Variants in PCDHA10 observed in about 807,000 individuals in gnomAD.
PCDHA10 encodes protocadherin alpha 10.
PCDHA10 carries 45 observed loss-of-function variants against 61.2 expected under a neutral mutation model. That is an observed-to-expected ratio of 0.74 (90% CI 0.58 to 0.94). PCDHA10 has a LOEUF of 0.94. Among genes scored for constraint, PCDHA10 ranks in the 40% least tolerant of loss-of-function variants. The pLI is 0.00. For missense variants in PCDHA10, 1,278 were observed against 1,236.2 expected, an observed-to-expected ratio of 1.03 and a Z score of -0.51; for synonymous variants, 602 against 548.8, an observed-to-expected ratio of 1.10 and a Z score of -1.35.
intron 1 of PCDHA10, chr5:140,883,589 G>A (rs782300348): frequency 1.9e-6 from 3 of 1,614,014 alleles, no homozygotes; most frequent in East Asian, 2.2e-5. Context: ...CACGGCCAGC[G>A]TGTCGGTGGG....
intron 1 of PCDHA10, chr5:140,968,987 T>C: frequency 6.2e-7 from 1 of 1,614,224 alleles, no homozygotes; most frequent in Non-Finnish European, 8.5e-7. Context: ...TGGCACTGCA[T>C]GCTGTGGAGG....
At chr5:140,884,871 A>T (rs1193714340) in intron 1 of PCDHA10, among the ~76,000 whole-genome samples, 1 of 152,210 alleles carries the variant, frequency 6.6e-6, no homozygotes, top group Non-Finnish European at 1.5e-5. Context: ...CCATAATGAA[A>T]TGTGCAAAAC....
intron 1 of PCDHA10, among the ~76,000 whole-genome samples, chr5:140,970,479 G>A (rs782054417): frequency 1.3e-4 from 20 of 152,160 alleles, no homozygotes; most frequent in Admixed American, 8.5e-4. Context: ...AGGCCAGCTT[G>A]TTCATTATTA....
intron 3 of PCDHA10, among the ~76,000 whole-genome samples, chr5:141,002,751 C>T (rs1204940300): frequency 3.9e-5 from 6 of 152,152 alleles, no homozygotes; most frequent in African/African-American, 1.4e-4. Context: ...CATCGACAAC[C>T]CTGTGATGTA....
chr5:140,877,118 T>C, intron 1 of PCDHA10: 1 of 1,613,690 alleles, frequency 6.2e-7, no homozygotes, highest in South Asian at 1.1e-5. Flanking sequence ...GGCAGCAACG[T>C]GACGCTGCAG....
intron 1 of PCDHA10, among the ~76,000 whole-genome samples, chr5:140,962,829 C>CT (rs1342441888): frequency 6.6e-6 from 1 of 152,190 alleles, no homozygotes; most frequent in East Asian, 1.9e-4. Flanking sequence ...CCATTTGTCT[C>CT]TTTTTTATTA....
intron 1 of PCDHA10, among the ~76,000 whole-genome samples, chr5:140,895,468 CCT>C (rs2065019844): frequency 6.6e-6 from 1 of 152,130 alleles, no homozygotes; most frequent in Non-Finnish European, 1.5e-5. Flanking sequence ...ATTTCTTTAT[CCT>C]CTTCGGAGAA....
At chr5:141,000,421 A>ATATTTTTTTTTTT (rs1265241806) in intron 3 of PCDHA10, among the ~76,000 whole-genome samples, 1 of 27,968 alleles carries the variant, frequency 3.6e-5, no homozygotes, top group African/African-American at 1.8e-4. Flanking sequence ...ATATATATAT[A>ATATTTTTTTTTTT]TTTTTTTTTT....
At chr5:140,943,670 G>A (rs1161487572) in intron 1 of PCDHA10, among the ~76,000 whole-genome samples, 1 of 152,036 alleles carries the variant, frequency 6.6e-6, no homozygotes, top group Non-Finnish European at 1.5e-5. Flanking sequence ...TGTATAAAGT[G>A]TGAAAAAAAG....
chr5:140,889,766 A>T (rs2062380294), intron 1 of PCDHA10, among the ~76,000 whole-genome samples: 1 of 152,064 alleles, frequency 6.6e-6, no homozygotes, highest in Non-Finnish European at 1.5e-5. Flanking sequence ...TTGAACTTTG[A>T]CTGGTCTTAA....
intron 1 of PCDHA10, among the ~76,000 whole-genome samples, chr5:140,924,575 T>C (rs1255232429): frequency 6.6e-6 from 1 of 152,078 alleles, no homozygotes; most frequent in East Asian, 1.9e-4. Flanking sequence ...TTTTTAAATG[T>C]TTTCAAATAT....
rs1271468400 is a variant in PCDHA10, at chr5:140,858,220, G to A, written c.2172G>A (p.Ala724=). The A allele has an allele frequency of 6.3e-7, 1 of 1,595,980 alleles. No individual in the cohort carries two copies. The highest frequency in any genetic ancestry group is 1.1e-5 in the South Asian group (1 of 90,502). ...LLYTALRCSA[A]PTEGACGPVK... is the part of the protein sequence containing the mutation. Reference sequence around the variant, plus strand: ...ACACTGCACTGAGGTGCTCGGCGGCGCCCACCGAGGGCGCATGTGGGCCGG... The same window carrying A: ...ACACTGCACTGAGGTGCTCGGCGGCACCCACCGAGGGCGCATGTGGGCCGG... Residue 724 remains alanine (A), a synonymous_variant, in exon 1 of 4, where the codon GCG becomes GCA. Transcript: ENST00000307360.
At chr5:140,877,048 G>A (rs376952553) in intron 1 of PCDHA10, 2 of 1,612,558 alleles carry the variant, frequency 1.2e-6, no homozygotes, top group East Asian at 2.2e-5. Flanking sequence ...GCTAGACCAC[G>A]AGGAGCTGGA....
intron 3 of PCDHA10, among the ~76,000 whole-genome samples, chr5:140,989,714 A>T (rs2097355942): frequency 6.6e-6 from 1 of 152,202 alleles, no homozygotes; most frequent in Non-Finnish European, 1.5e-5. Context: ...AGAGGCAGTC[A>T]GCTTTGCAGT....
At chr5:140,868,592 C>T (rs1294333400) in intron 1 of PCDHA10, 1 of 152,974 alleles carries the variant, frequency 6.5e-6, no homozygotes, top group Non-Finnish European at 1.5e-5. Context: ...ATGTTTAACC[C>T]TAGTTTTTCA....
At chr5:140,987,960 C>G (rs2097275437) in intron 3 of PCDHA10, among the ~76,000 whole-genome samples, 1 of 152,120 alleles carries the variant, frequency 6.6e-6, no homozygotes, top group African/African-American at 2.4e-5. Flanking sequence ...AACCAACTCC[C>G]CATGGAAAGA....
At chr5:140,861,759 C>T (rs2047064113) in intron 1 of PCDHA10, 1 of 93,332 alleles carries the variant, frequency 1.1e-5, no homozygotes, top group Non-Finnish European at 2.2e-5. Context: ...GATTATTTTT[C>T]CCTGGAAATA....
At chr5:140,999,526 C>A (rs1429753507) in intron 3 of PCDHA10, among the ~76,000 whole-genome samples, 2 of 152,026 alleles carry the variant, frequency 1.3e-5, no homozygotes, top group Non-Finnish European at 2.9e-5. Context: ...TTTGTTACCC[C>A]CTGGATATGA....
chr5:140,869,056 GTAC>G, intron 1 of PCDHA10: 2 of 1,549,424 alleles, frequency 1.3e-6, no homozygotes, highest in Non-Finnish European at 1.7e-6. Flanking sequence ...GAAGAATCTG[GTAC>G]TGTAAGTGTA....
Sources: gnomAD v4.1 joint callset for allele counts (sites outside exome capture counted in the v4.1 genomes callset) on GRCh38, gnomAD v4.1.1 for gene constraint, MANE v1.5 for transcripts, NCBI Gene and HGNC (gene_info 2026-07-23, HGNC 2026-07-21) for gene names.